Variants in DCPS observed in about 807,000 individuals in gnomAD.
DCPS encodes decapping enzyme, scavenger.
Under a neutral mutation model 34.7 loss-of-function variants are expected in DCPS, and 27 were observed. The observed-to-expected ratio is 0.78, with a 90% confidence interval of 0.57 to 1.07. The LOEUF is 1.07. Among genes scored for constraint, DCPS ranks in the 50% least tolerant of loss-of-function variants. DCPS has a pLI of 0.00. For missense variants in DCPS, 464 were observed against 436.9 expected (o/e 1.06, Z -0.55); for synonymous variants, 185 against 185.7 (o/e 1.00, Z 0.03).
rs1196773751 is a variant in DCPS at position 126,349,696 on chromosome 11, G to C, written c.*4083G>C. Among the ~76,000 whole-genome samples, 1 of 152,142 alleles carries C rather than the reference G, an allele frequency of 6.6e-6. No homozygotes were observed. Among genetic ancestry groups the C allele is most frequent in the Non-Finnish European group, 1.5e-5 (1 of 68,042 alleles). On this transcript the variant is annotated 3_prime_UTR_variant, in exon 6 of 6. Transcript: ENST00000263579. This position sits in a 1 kb window ranked among gnomAD's most constrained non-coding sequence, Gnocchi z 5.4. ...ATATTTATTTTATTGATGTAGGTCT[G>C]CCAACTCTTCCTTCTCAGGAAGGAC...
intron 2 of DCPS, among the ~76,000 whole-genome samples, chr11:126,318,814 A>C (rs531442692): frequency 3.9e-5 from 6 of 152,350 alleles, no homozygotes; most frequent in African/African-American, 1.2e-4. Context: ...GCTGGAAAGC[A>C]GTCTTGTTTG....
Position 126,327,042 on chromosome 11 carries a change from A to C in DCPS, c.377-4363A>C, listed in dbSNP as rs1454940523. Among the ~76,000 whole-genome samples, 1 of 152,208 alleles carries C rather than the reference A, an allele frequency of 6.6e-6. No individual in the cohort carries two copies. Among genetic ancestry groups the C allele is most frequent in the Non-Finnish European group, 1.5e-5 (1 of 68,036 alleles). Reference sequence around the variant, plus strand: ...TAACGATGGATATAAAAAAGGGTAAAATTATTAATTTCAGGAGATTTCCCA... The same window carrying C: ...TAACGATGGATATAAAAAAGGGTAACATTATTAATTTCAGGAGATTTCCCA... On this transcript the variant is annotated intron_variant, in intron 2 of 5. Transcript: ENST00000263579. This position sits in a 1 kb window ranked among gnomAD's most constrained non-coding sequence, Gnocchi z 4.1.
intron 4 of DCPS, among the ~76,000 whole-genome samples, chr11:126,340,256 G>T (rs1951866112): frequency 6.6e-6 from 1 of 152,222 alleles, no homozygotes; most frequent in Admixed American, 6.5e-5. Context: ...GGTCATGAAA[G>T]GGCCAGCTTA....
intron 2 of DCPS, among the ~76,000 whole-genome samples, chr11:126,316,765 C>T (rs1308311118): frequency 2.0e-5 from 3 of 151,360 alleles, no homozygotes; most frequent in Non-Finnish European, 4.4e-5. Flanking sequence ...AAGCCATTCT[C>T]CTGCCTCAGC....
In DCPS at chr11:126,336,480, C is replaced by G. The variant is rs1395690396; in HGVS notation, c.523-1806C>G. The G allele has an allele frequency of 6.6e-6, 1 of 152,284 alleles. No homozygotes were observed. The highest frequency in any genetic ancestry group is 2.4e-5 in the African/African-American group (1 of 41,442). The allele number at this position is 152,284 out of a possible 1,614,324, so 9.4% of individuals were successfully genotyped here. On this transcript the variant is annotated intron_variant, in intron 3 of 5. Transcript: ENST00000263579. This position sits in a 1 kb window ranked among gnomAD's most constrained non-coding sequence, Gnocchi z 6.3. ...CCCATTTTACAAAGGAGGCATCAGT[C>G]GCTCACCCAGTGACAGCTGGGAGAT...
In DCPS at chr11:126,337,277, T is replaced by C. The variant is rs1023119921; in HGVS notation, c.523-1009T>C. 4.6e-5 allele frequency: 7 copies of C among 152,232 alleles called. No homozygotes were observed. Among genetic ancestry groups the C allele is most frequent in the African/African-American group, 1.7e-4 (7 of 41,434 alleles). 9.4% of individuals were successfully genotyped at this position (152,232 alleles called of 1,614,324 possible). A position where few individuals can be genotyped will look rare whatever the true frequency, so the allele number is the denominator to read the frequency against. Reference sequence around the variant, plus strand: ...TAGTATGTCCTCAGCCACTCCCCTCTCTGGTTTCCTAGCAGGTCTCTCCCC... The same window carrying C: ...TAGTATGTCCTCAGCCACTCCCCTCCCTGGTTTCCTAGCAGGTCTCTCCCC... On this transcript the variant is annotated intron_variant, in intron 3 of 5. Coordinates refer to ENST00000263579, the MANE Select transcript of DCPS (RefSeq NM_014026.6). The surrounding 1 kb of genome is among the most constrained non-coding windows in gnomAD (Gnocchi z 5.3).
rs1179765508 is a variant in DCPS at position 126,334,832 on chromosome 11, AAATGTCTG to A, written c.522+3283_522+3290del. Among the ~76,000 whole-genome samples the A allele has an allele frequency of 6.6e-6, 1 of 152,210 alleles. No individual in the cohort carries two copies. The highest frequency in any genetic ancestry group is 1.5e-5 in the Non-Finnish European group (1 of 68,046). On this transcript the variant is annotated intron_variant, in intron 3 of 5. Coordinates refer to ENST00000263579, the MANE Select transcript of DCPS (RefSeq NM_014026.6). This position sits in a 1 kb window ranked among gnomAD's most constrained non-coding sequence, Gnocchi z 5.5. Reference sequence around the variant, plus strand: ...GGAGCCTTTGAGATCATCTAGTTACAAATGTCTGTTTGTGAGTCATCCAGCTAGACTTC... The same window carrying A: ...GGAGCCTTTGAGATCATCTAGTTACATTTGTGAGTCATCCAGCTAGACTTC...
At position 126,319,104 on chromosome 11, in the gene DCPS, C is replaced by T. The variant is rs570351981; in HGVS notation, c.377-12301C>T. Among the ~76,000 whole-genome samples the T allele has an allele frequency of 3.3e-5, 5 of 152,236 alleles. 1 individual carries two copies. The South Asian group carries it at 1.0e-3, about 32-fold the overall frequency. On this transcript the variant is annotated intron_variant, in intron 2 of 5. Coordinates refer to ENST00000263579, the MANE Select transcript of DCPS (RefSeq NM_014026.6). The surrounding 1 kb of genome is among the most constrained non-coding windows in gnomAD (Gnocchi z 4.5). ...AAGTCAGAGCTGTGTTAGTCCGGGG[C>T]ACATCAGCCTGCTCATCTGAGTTGC...
In DCPS at chr11:126,320,457, C is replaced by T. The variant is rs1245812659; in HGVS notation, c.377-10948C>T. Among the ~76,000 whole-genome samples the T allele has an allele frequency of 6.6e-6, 1 of 152,080 alleles. No individual in the cohort carries two copies. Among genetic ancestry groups the T allele is most frequent in the African/African-American group, 2.4e-5 (1 of 41,410 alleles). ...GAATGCCCACCTACTTCCTTTATAG[C>T]CTGCTCTGACAATGATATTAAAGGA... is the stretch of plus-strand genomic sequence containing the variant. On this transcript the variant is annotated intron_variant, in intron 2 of 5. Coordinates refer to ENST00000263579, the MANE Select transcript of DCPS (RefSeq NM_014026.6). This position sits in a 1 kb window ranked among gnomAD's most constrained non-coding sequence, Gnocchi z 4.7.
rs35744090 is a variant in DCPS, at chr11:126,344,136, GC to G, written c.747+721del. On this transcript the variant is annotated intron_variant, in intron 5 of 5. Coordinates refer to ENST00000263579, the MANE Select transcript of DCPS (RefSeq NM_014026.6). This position sits in a 1 kb window ranked among gnomAD's most constrained non-coding sequence, Gnocchi z 8.1. ...TGAAATGTGATGCTCTGCCTAACACGCCAGAGCTAGCAGTCACAACGATGCC... is the reference window on the plus strand; with the variant it reads ...TGAAATGTGATGCTCTGCCTAACACGCAGAGCTAGCAGTCACAACGATGCC... Among the ~76,000 whole-genome samples, 33,701 of 152,008 alleles carry G rather than the reference GC, an allele frequency of 0.22. 4,723 individuals are homozygous for G. Among genetic ancestry groups the G allele is most frequent in the East Asian group, 0.67 (3,455 of 5,138 alleles).
chr11:126,304,251 G>A lies in DCPS; in HGVS notation c.171G>A (p.Ala57=), dbSNP rs778068514. ...FRLQKVLRES[A]RDKIIFLHGK... ...TGCAGAAGGTGCTGAGGGAGTCTGC[G>A]CGGGACAAAATCATTTTCCTACACG... Residue 57 remains alanine, a synonymous_variant, in exon 1 of 6, where the codon GCG becomes GCA. Coordinates refer to ENST00000263579, the MANE Select transcript of DCPS (RefSeq NM_014026.6). 1.2e-6 allele frequency: 2 copies of A among 1,614,226 alleles called. No homozygotes were observed. The highest frequency in any genetic ancestry group is 2.2e-5 in the South Asian group (2 of 91,088).
chr11:126,306,781 A>G, intron 2 of DCPS, 37 bp downstream of exon 2: 1 of 1,573,538 alleles, frequency 6.4e-7, no homozygotes. Flanking sequence ...GTATGGAGGG[A>G]GAATGGGATG....
At chr11:126,324,717 C>T (rs1468626981) in intron 2 of DCPS, among the ~76,000 whole-genome samples, 1 of 140,990 alleles carries the variant, frequency 7.1e-6, no homozygotes, top group Non-Finnish European at 1.5e-5. Context: ...CTCAAGCAAT[C>T]TCCCTGCCTT....
Position 126,342,985 on chromosome 11 carries a change from G to C in DCPS, c.637-322G>C, listed in dbSNP as rs1053643752. Among the ~76,000 whole-genome samples, 16 of 150,156 alleles carry C rather than the reference G, an allele frequency of 1.1e-4. No homozygotes were observed. The highest frequency in any genetic ancestry group is 4.7e-4 in the Admixed American group (7 of 14,998). On this transcript the variant is annotated intron_variant, in intron 4 of 5. Transcript: ENST00000263579. This position sits in a 1 kb window ranked among gnomAD's most constrained non-coding sequence, Gnocchi z 4.4. ...CTTGGGAGGCTGAGGCAGAAGAATCGCTTGAACCCAGGAGGCGGAGGTTGC... is the reference window on the plus strand; with the variant it reads ...CTTGGGAGGCTGAGGCAGAAGAATCCCTTGAACCCAGGAGGCGGAGGTTGC...
rs1301143971 is a variant in DCPS, at chr11:126,313,294, C to T, written c.376+6550C>T. On this transcript the variant is annotated intron_variant, in intron 2 of 5. Coordinates refer to ENST00000263579, the MANE Select transcript of DCPS (RefSeq NM_014026.6). The surrounding 1 kb of genome is among the most constrained non-coding windows in gnomAD (Gnocchi z 4.9). ...ACTGTAGCCACAGGCCAGGGTTTTCCGCCCTGTGCTATTTGCAGAGGCAAA... is the reference window on the plus strand; with the variant it reads ...ACTGTAGCCACAGGCCAGGGTTTTCTGCCCTGTGCTATTTGCAGAGGCAAA... 1.3e-5 allele frequency among the ~76,000 whole-genome samples: 2 copies of T among 152,164 alleles called. No individual in the cohort carries two copies. The highest frequency in any genetic ancestry group is 2.4e-5 in the African/African-American group (1 of 41,426).
chr11:126,304,834 T>G (rs1291867182), intron 1 of DCPS, among the ~76,000 whole-genome samples: 3 of 152,224 alleles, frequency 2.0e-5, no homozygotes, highest in Non-Finnish European at 4.4e-5. Flanking sequence ...TACGGAATAT[T>G]TCTGGCGAGA....
chr11:126,314,699 A>C (rs914074123), intron 2 of DCPS, among the ~76,000 whole-genome samples: 2 of 152,152 alleles, frequency 1.3e-5, no homozygotes, highest in African/African-American at 4.8e-5. Context: ...AGCAACCTGG[A>C]TGGAATTGGA....
At chr11:126,309,120 G>A (rs1951599544) in intron 2 of DCPS, among the ~76,000 whole-genome samples, 1 of 151,472 alleles carries the variant, frequency 6.6e-6, no homozygotes, top group Non-Finnish European at 1.5e-5. Context: ...CGCCTCCCAG[G>A]TTCAAGTGGT....
Position 126,319,591 on chromosome 11 carries a change from C to T in DCPS, c.377-11814C>T, listed in dbSNP as rs1014374489. 6.6e-6 allele frequency among the ~76,000 whole-genome samples: 1 copy of T among 152,200 alleles called. No homozygotes were observed. The highest frequency in any genetic ancestry group is 1.5e-5 in the Non-Finnish European group (1 of 68,040). ...AGTGTCATCTCTGCATGTCTGACCA[C>T]ACCCCCTGTCTGGACCTCACTTGCT... On this transcript the variant is annotated intron_variant, in intron 2 of 5. Coordinates refer to ENST00000263579, the MANE Select transcript of DCPS (RefSeq NM_014026.6). This position sits in a 1 kb window ranked among gnomAD's most constrained non-coding sequence, Gnocchi z 4.5.
Sources: gnomAD v4.1 joint callset for allele counts (sites outside exome capture counted in the v4.1 genomes callset) on GRCh38, gnomAD v4.1.1 for gene constraint, Gnocchi (gnomAD v3.1) non-coding constraint, MANE v1.5 for transcripts, NCBI Gene and HGNC (gene_info 2026-07-23, HGNC 2026-07-21) for gene names.